The following NIPBL variants were observed in gnomAD, a reference collection of about 807,000 sequenced individuals.
NIPBL encodes NIPBL cohesin loading factor.
Under a neutral mutation model 321.8 loss-of-function variants are expected in NIPBL, and 19 were observed. The observed-to-expected ratio is 0.06, with a 90% CI of 0.04 to 0.09. The LOEUF (loss-of-function observed/expected upper bound fraction) is 0.09, where lower values mean the gene tolerates loss of function less well. NIPBL is among the 10% of genes least tolerant of loss of function. NIPBL has a pLI of 1.00. For synonymous variants in NIPBL, 1,106 were observed against 1,114.1 expected, an observed-to-expected ratio of 0.99 and a Z score of 0.14; for missense variants, 2,210 against 3,327.0, an observed-to-expected ratio of 0.66 and a Z score of 8.26.
At chr5:36,914,987 T>A (rs193255111) in intron 1 of NIPBL, among the ~76,000 whole-genome samples, 320 of 152,176 alleles carry the variant, frequency 2.1e-3, no homozygotes, top group African/African-American at 7.0e-3. Context: ...CTCAGATTTT[T>A]ATTTTTCTTC....
At chr5:37,046,656 T>C (rs749678987) in intron 38 of NIPBL, among the ~76,000 whole-genome samples, 1 of 152,188 alleles carries the variant, frequency 6.6e-6, no homozygotes, top group Non-Finnish European at 1.5e-5. Context: ...TAAAAGCAAA[T>C]AGTAAGCAAC....
intron 1 of NIPBL, among the ~76,000 whole-genome samples, chr5:36,894,885 G>A (rs144862190): frequency 1.3e-5 from 2 of 152,214 alleles, no homozygotes; most frequent in Admixed American, 6.5e-5. Context: ...AACTCTTAGA[G>A]GACACAGTCT....
rs186992105 is a variant in NIPBL at position 36,974,478 on chromosome 5, C to G, written c.869-1298C>G. On this transcript the variant is annotated intron_variant, in intron 8 of 46. Transcript: ENST00000282516. ...TTAGACAAATCTTGTTTTAAATCTT[C>G]AGGTTTGTTAACTACATAACCTTGG... Among the ~76,000 whole-genome samples the G allele has an allele frequency of 5.9e-4, 90 of 152,252 alleles. No individual in the cohort carries two copies. In the East Asian group the frequency reaches 0.013, roughly 22 times the overall value.
At chr5:36,922,798 C>G (rs1270174456) in intron 1 of NIPBL, among the ~76,000 whole-genome samples, 1 of 152,096 alleles carries the variant, frequency 6.6e-6, no homozygotes, top group Non-Finnish European at 1.5e-5. Context: ...AAGATAAATG[C>G]CAAAAAGCAA....
At chr5:36,919,625 A>C (rs1043676200) in intron 1 of NIPBL, among the ~76,000 whole-genome samples, 2 of 152,234 alleles carry the variant, frequency 1.3e-5, no homozygotes, top group African/African-American at 2.4e-5. Context: ...ATAGAAAAGG[A>C]GCTTTCAATT....
chr5:36,971,388 A>C (rs10214226), intron 7 of NIPBL, among the ~76,000 whole-genome samples: 9,361 of 152,132 alleles, frequency 0.062, 914 homozygotes, highest in African/African-American at 0.21. Context: ...TTCTTAATGA[A>C]ATATTTCAGT....
chr5:36,894,215 A>G (rs1194171774), intron 1 of NIPBL, among the ~76,000 whole-genome samples: 1 of 152,158 alleles, frequency 6.6e-6, no homozygotes, highest in Non-Finnish European at 1.5e-5. Flanking sequence ...GAAGGAAGGT[A>G]TTTGATAAGA....
At chr5:36,989,946 G>T (rs989964081) in intron 10 of NIPBL, among the ~76,000 whole-genome samples, 17 of 140,944 alleles carry the variant, frequency 1.2e-4, no homozygotes, top group East Asian at 2.0e-4. Context: ...TGATTTTGTT[G>T]TTTTTTTTTT....
intron 8 of NIPBL, 48 bp downstream of exon 8, chr5:36,972,089 T>C: frequency 7.9e-7 from 1 of 1,262,618 alleles, no homozygotes; most frequent in African/African-American, 1.5e-5. Flanking sequence ...TATTTGAAGT[T>C]GAATAAAGAA....
At chr5:36,978,307 G>GT (rs1320986070) in intron 9 of NIPBL, among the ~76,000 whole-genome samples, 1 of 151,932 alleles carries the variant, frequency 6.6e-6, no homozygotes, top group Non-Finnish European at 1.5e-5. Flanking sequence ...GTGTAAGATT[G>GT]TATCTCATTG....
chr5:36,994,687 T>G (rs1745931790), intron 10 of NIPBL, among the ~76,000 whole-genome samples: 1 of 152,178 alleles, frequency 6.6e-6, no homozygotes, highest in Non-Finnish European at 1.5e-5. Flanking sequence ...AATTGCCATC[T>G]TTAGTAATCA....
intron 1 of NIPBL, among the ~76,000 whole-genome samples, chr5:36,900,979 A>G (rs1362469959): frequency 6.6e-6 from 1 of 152,014 alleles, no homozygotes; most frequent in East Asian, 1.9e-4. Flanking sequence ...TCCAGGGGGT[A>G]CATGTGCAGG....
intron 32 of NIPBL, among the ~76,000 whole-genome samples, chr5:37,034,316 AATT>A (rs776166125): frequency 6.6e-6 from 1 of 152,212 alleles, no homozygotes; most frequent in Non-Finnish European, 1.5e-5. Context: ...GATTTCATAA[AATT>A]ATCTCATAAA....
chr5:37,038,181 A>T (rs951574744), intron 33 of NIPBL, among the ~76,000 whole-genome samples: 4 of 151,784 alleles, frequency 2.6e-5, no homozygotes, highest in Non-Finnish European at 5.9e-5. Context: ...GTAGAGATGC[A>T]GTTTTTGCGT....
At chr5:36,964,178 G>A (rs1741946659) in intron 6 of NIPBL, among the ~76,000 whole-genome samples, 1 of 151,956 alleles carries the variant, frequency 6.6e-6, no homozygotes, top group South Asian at 2.1e-4. Context: ...AATTTAGTCA[G>A]TACTACCCAA....
intron 1 of NIPBL, among the ~76,000 whole-genome samples, chr5:36,938,260 C>G (rs367567235): frequency 6.6e-6 from 1 of 151,916 alleles, no homozygotes; most frequent in Non-Finnish European, 1.5e-5. Flanking sequence ...TAGGCCAGTA[C>G]GTATTGAAGT....
chr5:37,026,923 AAAAG>A (rs1279675504), intron 31 of NIPBL, among the ~76,000 whole-genome samples: 1 of 151,936 alleles, frequency 6.6e-6, no homozygotes, highest in Non-Finnish European at 1.5e-5. Context: ...CAAAAAAAAA[AAAAG>A]AAAAGAAAGA....
intron 6 of NIPBL, among the ~76,000 whole-genome samples, chr5:36,963,563 A>T (rs954555607): frequency 6.6e-6 from 1 of 151,708 alleles, no homozygotes; most frequent in Admixed American, 6.6e-5. Flanking sequence ...GCACTGTAGG[A>T]GGCTGGGGCA....
At position 36,923,070 on chromosome 5, in the gene NIPBL, C is replaced by T. The variant is rs145089572; in HGVS notation, c.-79-30548C>T. Among the ~76,000 whole-genome samples the T allele has an allele frequency of 2.0e-3, 309 of 152,202 alleles. 1 individual carries two copies. Among genetic ancestry groups the T allele is most frequent in the African/African-American group, 7.0e-3 (291 of 41,526 alleles). On this transcript the variant is annotated intron_variant, in intron 1 of 46. Coordinates refer to ENST00000282516, the MANE Select transcript of NIPBL (RefSeq NM_133433.4). Reference sequence around the variant, plus strand: ...TTGGGAGGCCGAGGCGGGCGGATCACGAGGTCAAGAGATCAAAACCATCCT... The same window carrying T: ...TTGGGAGGCCGAGGCGGGCGGATCATGAGGTCAAGAGATCAAAACCATCCT...
Sources: gnomAD v4.1 joint callset for allele counts (sites outside exome capture counted in the v4.1 genomes callset) on GRCh38, gnomAD v4.1.1 for gene constraint, MANE v1.5 for transcripts, NCBI Gene and HGNC (gene_info 2026-07-23, HGNC 2026-07-21) for gene names.